Variants in PCDHGA2 observed in about 807,000 individuals in gnomAD.
The protein encoded by PCDHGA2 is protocadherin gamma subfamily A, 2, also known as protocadherin gamma-A2.
A neutral mutation model predicts 59.2 loss-of-function variants in PCDHGA2; 40 were observed. That is an observed-to-expected ratio of 0.68 (90% CI 0.52 to 0.88). The LOEUF is 0.88. PCDHGA2 is among the 40% of genes least tolerant of loss of function. The probability of loss-of-function intolerance (pLI) is 0.00; values close to 1 mark genes in which losing one functional copy is unlikely to be tolerated. For synonymous variants in PCDHGA2, 560 were observed against 526.0 expected, an observed-to-expected ratio of 1.06 and a Z score of -0.89; for missense variants, 1,226 against 1,204.0, an observed-to-expected ratio of 1.02 and a Z score of -0.27.
At position 141,340,353 on chromosome 5, in the gene PCDHGA2, T is replaced by C. The variant is rs1756935897; in HGVS notation, c.1382T>C (p.Ile461Thr). 6.2e-7 allele frequency: 1 copy of C among 1,614,016 alleles called. No homozygotes were observed. The highest frequency in any genetic ancestry group is 8.5e-7 in the Non-Finnish European group (1 of 1,180,000). The change falls in exon 1 of 4, where the codon ATT (isoleucine) becomes ACT (threonine). Residue 461 changes from isoleucine (I) to threonine (T), a missense_variant. By Grantham distance (89) the Ile-to-Thr change is moderately conservative (BLOSUM62 -1). Transcript: ENST00000394576. ...AFSRTSYSTYIPENNPRGASV... is the reference protein window; with the variant it reads ...AFSRTSYSTYTPENNPRGASV... ...TCCCGCACATCCTACTCCACCTACA[T>C]TCCCGAAAACAACCCCAGAGGAGCC...
chr5:141,384,769 G>C (rs778610936), intron 1 of PCDHGA2: 1 of 1,613,914 alleles, frequency 6.2e-7, no homozygotes, highest in Non-Finnish European at 8.5e-7. Context: ...GCTGTACACG[G>C]GCGAGGTGCG....
intron 2 of PCDHGA2, among the ~76,000 whole-genome samples, chr5:141,495,912 CTT>C (rs1210428397): frequency 6.6e-6 from 1 of 152,140 alleles, no homozygotes; most frequent in Admixed American, 6.6e-5. Flanking sequence ...CTCTGTATAT[CTT>C]TCTTTGTCTC....
At chr5:141,403,153 C>T (rs2094362720) in intron 1 of PCDHGA2, 2 of 1,614,060 alleles carry the variant, frequency 1.2e-6, no homozygotes, top group Non-Finnish European at 1.7e-6. Flanking sequence ...TCCGCATCGT[C>T]TCTAGAGGTA....
At chr5:141,428,100 G>A (rs1313410784) in intron 1 of PCDHGA2, 6 of 1,608,582 alleles carry the variant, frequency 3.7e-6, no homozygotes, top group East Asian at 2.2e-5. Context: ...GTCCTACCAC[G>A]TGCTGCAGGC....
chr5:141,437,058 T>C (rs539776847), intron 1 of PCDHGA2, among the ~76,000 whole-genome samples: 2 of 152,246 alleles, frequency 1.3e-5, no homozygotes, highest in Non-Finnish European at 2.9e-5. Context: ...CTGGTGATCA[T>C]TATTTGGTTT....
Position 141,389,013 on chromosome 5 carries a change from A to G in PCDHGA2, c.2424+47618A>G, listed in dbSNP as rs187666474. 2.5e-6 allele frequency: 4 copies of G among 1,614,010 alleles called. No homozygotes were observed. The African/African-American group carries it at 4.0e-5, about 16-fold the overall frequency. On this transcript the variant is annotated intron_variant, in intron 1 of 3. Coordinates refer to ENST00000394576, the MANE Select transcript of PCDHGA2 (RefSeq NM_018915.4). ...AGTCCGTGACAAGGATTCCAGACAC[A>G]ATGGAGAAGTGACTTGTAAATTGGA...
intron 2 of PCDHGA2, among the ~76,000 whole-genome samples, chr5:141,502,845 T>G (rs2099816267): frequency 6.8e-6 from 1 of 147,606 alleles, no homozygotes; most frequent in South Asian, 2.1e-4. Context: ...CTGGCTGAGC[T>G]GCCTAACCCT....
intron 1 of PCDHGA2, among the ~76,000 whole-genome samples, chr5:141,462,086 A>G (rs993185274): frequency 6.6e-6 from 1 of 151,408 alleles, no homozygotes; most frequent in Non-Finnish European, 1.5e-5. Flanking sequence ...GCCTCCCAAA[A>G]TGCTGGGATT....
chr5:141,436,638 A>G (rs2097838155), intron 1 of PCDHGA2, among the ~76,000 whole-genome samples: 1 of 152,194 alleles, frequency 6.6e-6, no homozygotes, highest in Non-Finnish European at 1.5e-5. Flanking sequence ...ACATGCAATT[A>G]ATTAACAGTA....
chr5:141,354,876 A>C (rs1158598326), intron 1 of PCDHGA2: 3 of 369,812 alleles, frequency 8.1e-6, no homozygotes, highest in Non-Finnish European at 1.4e-5. Flanking sequence ...CAGGAATTTG[A>C]CTTTATTATC....
intron 1 of PCDHGA2, chr5:141,352,330 G>A: frequency 6.2e-7 from 1 of 1,614,056 alleles, no homozygotes; most frequent in Non-Finnish European, 8.5e-7. Context: ...ACCTGGTTGT[G>A]GCCTTGGCCT....
chr5:141,345,231 C>G (rs1452734533), intron 1 of PCDHGA2: 1 of 1,613,934 alleles, frequency 6.2e-7, no homozygotes, highest in Non-Finnish European at 8.5e-7. Flanking sequence ...ATCAATAGAT[C>G]AATATTACCG....
chr5:141,505,190 G>A (rs1326515866), intron 2 of PCDHGA2, among the ~76,000 whole-genome samples: 1 of 152,186 alleles, frequency 6.6e-6, no homozygotes, highest in East Asian at 1.9e-4. Flanking sequence ...ATCGGAGGCA[G>A]CAAAGAGCTG....
At position 141,431,277 on chromosome 5, in the gene PCDHGA2, G is replaced by T; in HGVS notation, c.2425-63530G>T. 6.2e-7 allele frequency: 1 copy of T among 1,614,160 alleles called. No homozygotes were observed. The highest frequency in any genetic ancestry group is 1.3e-5 in the African/African-American group (1 of 75,062). On this transcript the variant is annotated intron_variant, in intron 1 of 3. Transcript: ENST00000394576. This position sits in a 1 kb window ranked among gnomAD's most constrained non-coding sequence, Gnocchi z 4.8. ...AACTCTCTGCAGAGCTACGAGCTCAGCCCGAACACTCACTTCTCCCTCATC... is the reference window on the plus strand; with the variant it reads ...AACTCTCTGCAGAGCTACGAGCTCATCCCGAACACTCACTTCTCCCTCATC...
intron 1 of PCDHGA2, chr5:141,441,396 C>T (rs2098244328): frequency 6.5e-6 from 1 of 154,724 alleles, no homozygotes; most frequent in Admixed American, 6.5e-5. Flanking sequence ...GGTATAACAT[C>T]AGCATCACTG....
At chr5:141,407,974 G>A (rs1229330658) in intron 1 of PCDHGA2, 3 of 728,612 alleles carry the variant, frequency 4.1e-6, no homozygotes, top group African/African-American at 1.8e-5. Context: ...CGCTGACGCC[G>A]GGGATCCGTC....
At chr5:141,510,062 G>GA (rs1448334820) in intron 3 of PCDHGA2, among the ~76,000 whole-genome samples, 1 of 152,150 alleles carries the variant, frequency 6.6e-6, no homozygotes. Flanking sequence ...TTGTGCATGT[G>GA]AAGCATCCAG....
chr5:141,395,327 AAAT>A (rs760723981), intron 1 of PCDHGA2: 2 of 1,469,018 alleles, frequency 1.4e-6, no homozygotes, highest in Non-Finnish European at 1.8e-6. Flanking sequence ...AGATAGTTGA[AAAT>A]AATTTTTAAG....
At chr5:141,465,889 G>A (rs956310325) in intron 1 of PCDHGA2, among the ~76,000 whole-genome samples, 4 of 152,056 alleles carry the variant, frequency 2.6e-5, no homozygotes, top group Admixed American at 6.5e-5. Context: ...TTGGGAGGCC[G>A]AGGCGGGCAA....
Sources: gnomAD v4.1 joint callset for allele counts (sites outside exome capture counted in the v4.1 genomes callset) on GRCh38, gnomAD v4.1.1 for gene constraint, Gnocchi (gnomAD v3.1) non-coding constraint, MANE v1.5 for transcripts, NCBI Gene and HGNC (gene_info 2026-07-23, HGNC 2026-07-21) for gene names.